Variants in MRPS28 observed in about 807,000 individuals in gnomAD.
MRPS28 encodes small ribosomal subunit protein bS1m.
Under a neutral mutation model 10.8 loss-of-function variants are expected in MRPS28, and 7 were observed. That is an observed-to-expected ratio of 0.65 (90% CI 0.37 to 1.22). The LOEUF (loss-of-function observed/expected upper bound fraction) is 1.22. Ranked by LOEUF, MRPS28 falls within the 50% of genes most tolerant of loss-of-function variation. The probability of loss-of-function intolerance (pLI) is 0.02; values close to 1 mark genes in which losing one functional copy is unlikely to be tolerated. For synonymous variants in MRPS28, 121 were observed against 93.3 expected, an observed-to-expected ratio of 1.30 and a Z score of -1.71; for missense variants, 265 against 232.9, an observed-to-expected ratio of 1.14 and a Z score of -0.90.
At chr8:79,950,242 T>C (rs1274535227) in intron 2 of MRPS28, among the ~76,000 whole-genome samples, 1 of 152,106 alleles carries the variant, frequency 6.6e-6, no homozygotes, top group Non-Finnish European at 1.5e-5. Flanking sequence ...TTTATGGTGG[T>C]GGTAATCTTT....
At chr8:80,005,571 A>T (rs1040605271) in intron 1 of MRPS28, among the ~76,000 whole-genome samples, 1 of 152,250 alleles carries the variant, frequency 6.6e-6, no homozygotes, top group African/African-American at 2.4e-5. Flanking sequence ...AAGAAACTGC[A>T]TAAACTAATG....
chr8:79,920,133 T>C (rs1245887575), intron 2 of MRPS28, among the ~76,000 whole-genome samples: 1 of 152,180 alleles, frequency 6.6e-6, no homozygotes, highest in Non-Finnish European at 1.5e-5. Flanking sequence ...TCGTTTTTTA[T>C]GGCTGCATAG....
chr8:80,018,176 C>G (rs945257110), intron 1 of MRPS28, among the ~76,000 whole-genome samples: 1 of 151,606 alleles, frequency 6.6e-6, no homozygotes, highest in African/African-American at 2.4e-5. Flanking sequence ...GCCTGTAGTC[C>G]CAGCTACTGG....
intron 2 of MRPS28, among the ~76,000 whole-genome samples, chr8:79,979,441 GA>G (rs1411087114): frequency 6.6e-6 from 1 of 152,114 alleles, no homozygotes; most frequent in Non-Finnish European, 1.5e-5. Context: ...CCAATTAAAT[GA>G]AAACTGAAGT....
intron 2 of MRPS28, among the ~76,000 whole-genome samples, chr8:79,967,073 G>A (rs1015837227): frequency 5.3e-5 from 8 of 152,092 alleles, no homozygotes; most frequent in Non-Finnish European, 1.0e-4. Context: ...AAAAATTGTA[G>A]GCCTAGTATG....
At chr8:79,996,895 C>T (rs982596770) in intron 2 of MRPS28, among the ~76,000 whole-genome samples, 6 of 152,206 alleles carry the variant, frequency 3.9e-5, no homozygotes, top group African/African-American at 1.4e-4. Context: ...TTTGGATATA[C>T]ACAGCCCTAG....
chr8:79,971,218 T>C (rs1235296521), intron 2 of MRPS28, among the ~76,000 whole-genome samples: 1 of 152,110 alleles, frequency 6.6e-6, no homozygotes, highest in Admixed American at 6.5e-5. Flanking sequence ...AACCAGACAA[T>C]GGGGACTGAG....
intron 1 of MRPS28, among the ~76,000 whole-genome samples, chr8:80,020,600 GT>G (rs1165829707): frequency 6.6e-6 from 1 of 152,144 alleles, no homozygotes; most frequent in Admixed American, 6.5e-5. Flanking sequence ...GTCTGAAATG[GT>G]ACTGAGAAAC....
chr8:79,971,821 C>T (rs1247798140), intron 2 of MRPS28, among the ~76,000 whole-genome samples: 1 of 152,092 alleles, frequency 6.6e-6, no homozygotes, highest in Non-Finnish European at 1.5e-5. Context: ...CCTCAGCCTC[C>T]TAAGTAGCTG....
At chr8:79,981,857 C>T (rs565704321) in intron 2 of MRPS28, among the ~76,000 whole-genome samples, 14 of 152,310 alleles carry the variant, frequency 9.2e-5, no homozygotes, top group East Asian at 3.8e-4. Flanking sequence ...TTATAATATG[C>T]TCAATCAGTT....
At chr8:80,029,476 G>A (rs1028219629) in intron 1 of MRPS28, among the ~76,000 whole-genome samples, 2 of 152,084 alleles carry the variant, frequency 1.3e-5, no homozygotes, top group African/African-American at 4.8e-5. Context: ...TGAGACAAAC[G>A]GAGATTTTAC....
intron 1 of MRPS28, among the ~76,000 whole-genome samples, chr8:80,010,003 T>G (rs898732183): frequency 6.6e-6 from 1 of 152,222 alleles, no homozygotes; most frequent in Non-Finnish European, 1.5e-5. Flanking sequence ...CAACTTGAAT[T>G]TGTTATACTT....
At chr8:79,977,471 C>A (rs556592329) in intron 2 of MRPS28, among the ~76,000 whole-genome samples, 46 of 152,098 alleles carry the variant, frequency 3.0e-4, no homozygotes, top group African/African-American at 1.0e-3. Context: ...AATGAAGAGA[C>A]CAACAGAATT....
intron 1 of MRPS28, among the ~76,000 whole-genome samples, chr8:80,007,966 T>C (rs1160510256): frequency 6.6e-6 from 1 of 152,080 alleles, no homozygotes; most frequent in Non-Finnish European, 1.5e-5. Flanking sequence ...CATTGCCAAG[T>C]CAATCCTAAG....
intron 2 of MRPS28, among the ~76,000 whole-genome samples, chr8:79,946,578 G>A (rs1563523036): frequency 6.6e-6 from 1 of 151,630 alleles, no homozygotes; most frequent in African/African-American, 2.4e-5. Flanking sequence ...CTTACTTGGG[G>A]AAAAAAAATC....
chr8:79,919,801 T>C (rs183447366), intron 2 of MRPS28, among the ~76,000 whole-genome samples: 79 of 152,314 alleles, frequency 5.2e-4, no homozygotes, highest in African/African-American at 1.6e-3. Context: ...AATTAAAACT[T>C]TATTTTTTTA....
intron 2 of MRPS28, among the ~76,000 whole-genome samples, chr8:79,944,928 C>T (rs1806867787): frequency 6.6e-6 from 1 of 152,020 alleles, no homozygotes; most frequent in African/African-American, 2.4e-5. Flanking sequence ...TTCCTGAACT[C>T]AAGCAATCTG....
intron 1 of MRPS28, chr8:80,029,745 G>C (rs1179264066): frequency 1.4e-6 from 2 of 1,464,714 alleles, no homozygotes; most frequent in Non-Finnish European, 1.8e-6. Context: ...CCCCAGCAGC[G>C]CTCCCCGCTG....
chr8:79,928,693 G>A lies in MRPS28; in HGVS notation c.396-9545C>T, dbSNP rs1455771619. The stretch of plus-strand genomic sequence containing the variant: ...TGGCCTCAAGTGATCCATCTGCCTC[G>A]GCCTCCCAAAGTGCTGGGATTACAG... On this transcript the variant is annotated intron_variant, in intron 2 of 2. Coordinates refer to ENST00000276585, the MANE Select transcript of MRPS28 (RefSeq NM_014018.3). 6.0e-5 allele frequency among the ~76,000 whole-genome samples: 9 copies of A among 151,146 alleles called. No homozygotes were observed. In the East Asian group the frequency reaches 8.0e-4, roughly 14 times the overall value.
Sources: gnomAD v4.1 joint callset for allele counts (sites outside exome capture counted in the v4.1 genomes callset) on GRCh38, gnomAD v4.1.1 for gene constraint, MANE v1.5 for transcripts, NCBI Gene and HGNC (gene_info 2026-07-23, HGNC 2026-07-21) for gene names.